The following SLC35F4 variants were observed in gnomAD, a reference collection of about 807,000 sequenced individuals.
SLC35F4 encodes chromosome 14 open reading frame 36.
In SLC35F4, 24 loss-of-function variants were observed where a neutral mutation model predicts 44.2. That is an observed-to-expected ratio of 0.54 (90% CI 0.39 to 0.76). SLC35F4 has a LOEUF of 0.76. SLC35F4 is among the 30% of genes least tolerant of loss of function. SLC35F4 has a pLI of 0.00. For synonymous variants in SLC35F4, 238 were observed against 223.6 expected, an observed-to-expected ratio of 1.06 and a Z score of -0.57; for missense variants, 562 against 586.1, an observed-to-expected ratio of 0.96 and a Z score of 0.42.
downstream of SLC35F4, among the ~76,000 whole-genome samples, chr14:57,972,240 T>C (rs183157724): frequency 1.3e-5 from 2 of 152,090 alleles, no homozygotes; most frequent in African/African-American, 4.8e-5. Context: ...GTTCTAAATA[T>C]GAAAAAATGA....
At chr14:57,967,633 C>T (rs1006343491) in intron 1 of SLC35F4, among the ~76,000 whole-genome samples, 2 of 152,140 alleles carry the variant, frequency 1.3e-5, no homozygotes, top group Non-Finnish European at 2.9e-5. Flanking sequence ...GTATTATTAT[C>T]ATCATTTCTC....
chr14:57,644,864 T>TA (rs1183971009), intron 1 of SLC35F4, among the ~76,000 whole-genome samples: 5 of 152,212 alleles, frequency 3.3e-5, no homozygotes, highest in Non-Finnish European at 7.3e-5. Flanking sequence ...CCAGCACCAT[T>TA]TATTAAATAG....
At chr14:57,786,006 G>A (rs938543370) in intron 1 of SLC35F4, among the ~76,000 whole-genome samples, 1 of 152,106 alleles carries the variant, frequency 6.6e-6, no homozygotes, top group African/African-American at 2.4e-5. Flanking sequence ...GCTGGAAGAC[G>A]GGTAACCTGG....
rs988223754 is a variant in SLC35F4, at chr14:57,710,762, G to A, written c.104-116638C>T. ...TTTTGGACTCACATGGGTCCTGTAA[G>A]CCCCTTAGTTTTGGCCAACTTCTCC... On this transcript the variant is annotated intron_variant, in intron 1 of 7. Transcript: ENST00000556826. Among the ~76,000 whole-genome samples the A allele has an allele frequency of 2.1e-4, 32 of 152,014 alleles. 1 individual carries two copies. Among genetic ancestry groups the A allele is most frequent in the Non-Finnish European group, 4.4e-5 (3 of 68,004 alleles).
At chr14:57,588,202 G>T (rs2069908959) in intron 3 of SLC35F4, among the ~76,000 whole-genome samples, 1 of 152,202 alleles carries the variant, frequency 6.6e-6, no homozygotes, top group African/African-American at 2.4e-5. Flanking sequence ...ACCCTTCAAA[G>T]TTAAGTTTAT....
chr14:57,745,340 A>C lies in SLC35F4; in HGVS notation c.103+120383T>G, dbSNP rs528879006. Among the ~76,000 whole-genome samples the C allele has an allele frequency of 3.0e-4, 45 of 152,344 alleles. No homozygotes were observed. In the South Asian group the frequency reaches 9.3e-3, roughly 32 times the overall value. ...AATTTTTACAATCTACCCATCTGAC[A>C]AAGGGCTAATATCCAGAATCTACAA... On this transcript the variant is annotated intron_variant, in intron 1 of 7. Transcript: ENST00000556826.
intron 1 of SLC35F4, among the ~76,000 whole-genome samples, chr14:57,875,422 A>G (rs1168017601): frequency 6.6e-6 from 1 of 152,230 alleles, no homozygotes; most frequent in African/African-American, 2.4e-5. Flanking sequence ...TTAGTGGCTT[A>G]AAATAACAAC....
chr14:57,607,665 A>G (rs985081499), intron 1 of SLC35F4, among the ~76,000 whole-genome samples: 1 of 152,248 alleles, frequency 6.6e-6, no homozygotes, highest in African/African-American at 2.4e-5. Flanking sequence ...GGATTTAAGT[A>G]GGGAAGTGGA....
intron 1 of SLC35F4, among the ~76,000 whole-genome samples, chr14:57,654,520 T>G (rs2073897243): frequency 6.6e-6 from 1 of 152,194 alleles, no homozygotes; most frequent in Non-Finnish European, 1.5e-5. Flanking sequence ...GGTTCCATAT[T>G]TTTGCAATTG....
chr14:57,822,282 C>T (rs1010619974), intron 1 of SLC35F4, among the ~76,000 whole-genome samples: 2 of 152,194 alleles, frequency 1.3e-5, no homozygotes, highest in African/African-American at 4.8e-5. Flanking sequence ...TGTTTCTTGG[C>T]ACCTTTCCAT....
At chr14:57,809,109 G>A (rs1162115934) in intron 1 of SLC35F4, among the ~76,000 whole-genome samples, 1 of 152,112 alleles carries the variant, frequency 6.6e-6, no homozygotes, top group African/African-American at 2.4e-5. Context: ...CTACCTCCAA[G>A]TGATCCATGT....
At chr14:57,610,879 G>A (rs907092267) in intron 1 of SLC35F4, among the ~76,000 whole-genome samples, 6 of 152,224 alleles carry the variant, frequency 3.9e-5, no homozygotes, top group Non-Finnish European at 7.3e-5. Context: ...GTCCTTGGAA[G>A]CTTAAAGTAA....
At chr14:57,709,587 G>A (rs1041187089) in intron 1 of SLC35F4, among the ~76,000 whole-genome samples, 6 of 151,484 alleles carry the variant, frequency 4.0e-5, no homozygotes, top group Non-Finnish European at 7.4e-5. Context: ...CTCTTGCCTC[G>A]GCACCTAGGT....
At chr14:57,903,152 T>G (rs1486014520) in intron 1 of SLC35F4, among the ~76,000 whole-genome samples, 1 of 152,238 alleles carries the variant, frequency 6.6e-6, no homozygotes, top group East Asian at 1.9e-4. Flanking sequence ...TCTGTCTTTA[T>G]GCTTCATCTT....
intron 1 of SLC35F4, among the ~76,000 whole-genome samples, chr14:57,735,573 T>C (rs899006687): frequency 6.6e-6 from 1 of 152,182 alleles, no homozygotes; most frequent in Admixed American, 6.5e-5. Context: ...CTTTCCCACA[T>C]GACTGTCTCA....
chr14:57,678,694 A>AT (rs1566754974), intron 1 of SLC35F4, among the ~76,000 whole-genome samples: 1 of 146,766 alleles, frequency 6.8e-6, no homozygotes, highest in Non-Finnish European at 1.5e-5. Context: ...GCAAATGGAA[A>AT]GAAAAAAAAA....
At chr14:57,701,862 C>A (rs2075550638) in intron 1 of SLC35F4, among the ~76,000 whole-genome samples, 1 of 152,044 alleles carries the variant, frequency 6.6e-6, no homozygotes, top group African/African-American at 2.4e-5. Context: ...TTGTACTTAC[C>A]CATTCTTCAG....
At chr14:57,595,722 G>A (rs1055352326) in intron 1 of SLC35F4, 1 of 151,986 alleles carries the variant, frequency 6.6e-6, no homozygotes. Flanking sequence ...CTTTTAGATT[G>A]GCTACTGAGT....
At position 57,651,696 on chromosome 14, in the gene SLC35F4, G is replaced by C. The variant is rs944922581; in HGVS notation, c.104-57572C>G. On this transcript the variant is annotated intron_variant, in intron 1 of 7. Coordinates refer to ENST00000556826, the MANE Select transcript of SLC35F4 (RefSeq NM_001306087.2). The stretch of plus-strand genomic sequence containing the variant: ...CATTCAAGCTCCATGGCTGCGGCTT[G>C]GGAAAATGTCTCTGTGAGTGAGTGT... 5.9e-5 allele frequency among the ~76,000 whole-genome samples: 9 copies of C among 152,250 alleles called. No individual in the cohort carries two copies. In the South Asian group the frequency reaches 1.9e-3, roughly 32 times the overall value.
Sources: allele counts gnomAD v4.1 joint callset (sites outside exome capture counted in the v4.1 genomes callset), GRCh38; gene constraint gnomAD v4.1.1; transcripts MANE v1.5; gene names NCBI Gene and HGNC (gene_info 2026-07-23, HGNC 2026-07-21).